ZNF215: variants seen among roughly 807,000 people sequenced by gnomAD.
The protein encoded by ZNF215 is zinc finger protein 215.
ZNF215 carries 24 observed loss-of-function variants against 27.2 expected under a neutral mutation model. That is an observed-to-expected ratio of 0.88 (90% CI 0.64 to 1.24). The LOEUF is 1.24. Ranked by LOEUF, ZNF215 falls within the 50% of genes most tolerant of loss-of-function variation. ZNF215 has a pLI of 0.00. For synonymous variants in ZNF215, 210 were observed against 204.0 expected, an observed-to-expected ratio of 1.03 and a Z score of -0.25; for missense variants, 675 against 605.7, an observed-to-expected ratio of 1.11 and a Z score of -1.20.
chr11:6,932,755 A>T, intron 3 of ZNF215, 83 bp downstream of exon 3: 2 of 1,328,760 alleles, frequency 1.5e-6, no homozygotes, highest in Non-Finnish European at 2.0e-6. Context: ...GCCAGAGAGT[A>T]TCAAGTGCCA....
intron 5 of ZNF215, among the ~76,000 whole-genome samples, chr11:6,973,304 C>T (rs555176844): frequency 6.6e-6 from 1 of 152,258 alleles, no homozygotes; most frequent in South Asian, 2.1e-4. Context: ...CATTGATGGG[C>T]ATTTGGATTG....
At position 6,966,273 on chromosome 11, in the gene ZNF215, C is replaced by T. The variant is rs78378554; in HGVS notation, c.805+10491C>T. Among the ~76,000 whole-genome samples, 127 of 152,048 alleles carry T rather than the reference C, an allele frequency of 8.4e-4. 1 individual carries two copies. The East Asian group carries it at 0.021, about 25-fold the overall frequency. On this transcript the variant is annotated intron_variant, in intron 5 of 5. Coordinates refer to the ZNF215 transcript ENST00000529903. ...AATGCAAGAACAGAAAACCAAATAC[C>T]GCATGAGTACACATGTGCACAAAGT...
intron 6 of ZNF215, among the ~76,000 whole-genome samples, chr11:6,944,393 CTTTT>C (rs74576992): frequency 7.3e-6 from 1 of 136,652 alleles, no homozygotes; most frequent in Admixed American, 7.4e-5. Context: ...TCCATTTTTC[CTTTT>C]TTTTTTTTTT....
intron 6 of ZNF215, among the ~76,000 whole-genome samples, chr11:6,946,328 A>T (rs904212962): frequency 2.0e-5 from 3 of 152,170 alleles, no homozygotes; most frequent in African/African-American, 7.2e-5. Context: ...ATTTCACAAC[A>T]TTCTATTCTC....
chr11:6,961,336 G>A (rs528836938), downstream of ZNF215, among the ~76,000 whole-genome samples: 33 of 152,224 alleles, frequency 2.2e-4, no homozygotes, highest in African/African-American at 6.7e-4. Flanking sequence ...GGTGGGAGCT[G>A]AAGAGAATTG....
intron 5 of ZNF215, among the ~76,000 whole-genome samples, chr11:6,975,911 T>A (rs1461084931): frequency 6.6e-6 from 1 of 152,144 alleles, no homozygotes; most frequent in African/African-American, 2.4e-5. Context: ...TTTAGTTTTT[T>A]GAGAAACCTC....
intron 3 of ZNF215, among the ~76,000 whole-genome samples, chr11:6,939,773 A>C (rs193074678): frequency 7.8e-4 from 119 of 152,284 alleles, no homozygotes; most frequent in Admixed American, 1.5e-3. Flanking sequence ...ATTCAGAGAG[A>C]GCAATAAATA....
chr11:6,977,124 T>C (rs1316907905), intron 5 of ZNF215, among the ~76,000 whole-genome samples: 1 of 152,070 alleles, frequency 6.6e-6, no homozygotes, highest in African/African-American at 2.4e-5. Context: ...TAATTCCAAA[T>C]ACCTCAAATG....
In ZNF215 at chr11:6,955,933, G is replaced by A; in HGVS notation, c.956G>A (p.Cys319Tyr). 1 of 1,612,888 alleles carries A rather than the reference G, an allele frequency of 6.2e-7. No homozygotes were observed. The highest frequency in any genetic ancestry group is 1.3e-5 in the African/African-American group (1 of 74,894). ...SFDINSVSSI[C>Y]AIQVGIPSRK... The stretch of plus-strand genomic sequence containing the variant: ...GATATTAATTCAGTTAGCTCAATTT[G>A]TGCTATACAAGTGGGAATTCCTTCA... Residue 319 changes from cysteine to tyrosine, a missense_variant, in exon 7 of 7, where the codon TGT becomes TAT. Cys to Tyr is a radical substitution (Grantham distance 194, BLOSUM62 -2). Transcript: ENST00000278319.
In ZNF215 at chr11:6,984,572, G is replaced by C. The variant is rs1002626572; in HGVS notation, c.*334G>C. 2.0e-5 allele frequency: 3 copies of C among 152,390 alleles called. 1 individual carries two copies. The highest frequency in any genetic ancestry group is 6.3e-3 in the Middle Eastern group (2 of 318). The allele number at this position is 152,390 out of a possible 1,614,324, so 9.4% of individuals were successfully genotyped here. A position where few individuals can be genotyped will look rare whatever the true frequency, so the allele number is the denominator to read the frequency against. On this transcript the variant is annotated 3_prime_UTR_variant, in exon 6 of 6. Coordinates refer to the ZNF215 transcript ENST00000529903. Reference sequence around the variant, plus strand: ...ATGGAATTAGGTCAAATATTTATCAGTAAAAGACTAAGTCATATTGTGCAT... The same window carrying C: ...ATGGAATTAGGTCAAATATTTATCACTAAAAGACTAAGTCATATTGTGCAT...
At chr11:6,981,937 CT>C (rs1850961383) in intron 5 of ZNF215, among the ~76,000 whole-genome samples, 2 of 152,078 alleles carry the variant, frequency 1.3e-5, no homozygotes, top group African/African-American at 4.8e-5. Context: ...GGCATTATTT[CT>C]GGGGGCTCTG....
At chr11:6,982,969 G>T (rs1420150433) in intron 5 of ZNF215, among the ~76,000 whole-genome samples, 1 of 149,642 alleles carries the variant, frequency 6.7e-6, no homozygotes, top group Non-Finnish European at 1.5e-5. Flanking sequence ...GAATCCAGGA[G>T]CTGGTTTTTT....
At chr11:6,987,361 G>A (rs962631611), downstream of ZNF215, among the ~76,000 whole-genome samples, 17 of 151,886 alleles carry the variant, frequency 1.1e-4, no homozygotes, top group African/African-American at 4.1e-4. Flanking sequence ...TAGACACTGG[G>A]GAATACAAGA....
At chr11:6,927,035 G>T (rs1404916776) in intron 1 of ZNF215, among the ~76,000 whole-genome samples, 3 of 152,108 alleles carry the variant, frequency 2.0e-5, no homozygotes, top group Non-Finnish European at 4.4e-5. Context: ...CACTCCTGTC[G>T]CCTCTTCCAC....
At chr11:6,954,418 C>T (rs139559904) in intron 6 of ZNF215, among the ~76,000 whole-genome samples, 30,289 of 152,208 alleles carry the variant, frequency 0.2, 3,112 homozygotes, top group Middle Eastern at 0.23. Flanking sequence ...CTGCTTTGTT[C>T]ACCTAAGCAA....
chr11:6,949,002 G>T (rs1244785816), intron 6 of ZNF215, among the ~76,000 whole-genome samples: 1 of 148,004 alleles, frequency 6.8e-6, no homozygotes, highest in African/African-American at 2.5e-5. Context: ...TGCAGTGTTT[G>T]GTTTTTTGTC....
chr11:6,951,138 TA>T (rs1850039683), intron 6 of ZNF215, among the ~76,000 whole-genome samples: 1 of 152,222 alleles, frequency 6.6e-6, no homozygotes, highest in African/African-American at 2.4e-5. Flanking sequence ...GCTTTGCCAG[TA>T]TTTTATTGAG....
At chr11:6,988,682 G>C (rs1453123081), downstream of ZNF215, 1 of 152,176 alleles carries the variant, frequency 6.6e-6, no homozygotes, top group African/African-American at 2.4e-5. Flanking sequence ...TTGTTCTTCA[G>C]CCTCCCCATC....
chr11:6,947,673 G>C (rs147320855), intron 6 of ZNF215, among the ~76,000 whole-genome samples: 1 of 152,268 alleles, frequency 6.6e-6, no homozygotes, highest in East Asian at 1.9e-4. Flanking sequence ...AATACTACTA[G>C]AACACTGTTT....
Sources: gnomAD v4.1 joint callset for allele counts (sites outside exome capture counted in the v4.1 genomes callset) on GRCh38, gnomAD v4.1.1 for gene constraint, MANE v1.5 for transcripts, NCBI Gene and HGNC (gene_info 2026-07-23, HGNC 2026-07-21) for gene names.